Variants in RANBP17 observed in about 807,000 individuals in gnomAD.
RANBP17 encodes the protein RAN binding protein 17.
In RANBP17, 158 loss-of-function variants were observed where a neutral mutation model predicts 141.2. That is an observed-to-expected ratio of 1.12 (90% CI 0.98 to 1.28). The LOEUF (loss-of-function observed/expected upper bound fraction) is 1.28, where lower values mean the gene tolerates loss of function less well. RANBP17 is among the 50% of genes most tolerant of loss of function. RANBP17 has a pLI of 0.00. For missense variants in RANBP17, 1,438 were observed against 1,290.7 expected, an observed-to-expected ratio of 1.11 and a Z score of -1.75; for synonymous variants, 430 against 450.0, an observed-to-expected ratio of 0.96 and a Z score of 0.56.
At chr5:170,873,251 G>A (rs974422954) in intron 1 of RANBP17, among the ~76,000 whole-genome samples, 2 of 152,196 alleles carry the variant, frequency 1.3e-5, no homozygotes, top group African/African-American at 4.8e-5. Flanking sequence ...TGGTTTGCCA[G>A]TATTTTATTG....
intron 14 of RANBP17, among the ~76,000 whole-genome samples, chr5:171,023,786 C>T (rs373248867): frequency 1.3e-5 from 2 of 152,166 alleles, no homozygotes; most frequent in Non-Finnish European, 2.9e-5. Context: ...GTCTTCTCAA[C>T]TCAGTGAAAT....
chr5:171,268,661 GA>G (rs550974031), intron 25 of RANBP17, among the ~76,000 whole-genome samples: 44 of 143,828 alleles, frequency 3.1e-4, no homozygotes, highest in Middle Eastern at 3.5e-3. Flanking sequence ...CCACACTGAA[GA>G]AAAAAAAAAA....
intron 14 of RANBP17, among the ~76,000 whole-genome samples, chr5:171,065,317 G>T (rs1784242645): frequency 6.6e-6 from 1 of 152,098 alleles, no homozygotes; most frequent in African/African-American, 2.4e-5. Context: ...GGGTGAAGGG[G>T]ACGGTTTTGG....
intron 14 of RANBP17, among the ~76,000 whole-genome samples, chr5:171,081,796 C>T (rs1785271033): frequency 6.6e-6 from 1 of 152,016 alleles, no homozygotes; most frequent in African/African-American, 2.4e-5. Flanking sequence ...AGCTTCTTAC[C>T]AGTTTATTGT....
rs145033508 is a variant in RANBP17 at position 171,110,204 on chromosome 5, G to A, written c.1711-59926G>A. ...CCTGGCTCTGTGGCTCTGTGACATT[G>A]GACAAATATTTATACTCTTAGGCTT... is the stretch of plus-strand genomic sequence containing the variant. On this transcript the variant is annotated intron_variant, in intron 14 of 27. Coordinates refer to ENST00000523189, the MANE Select transcript of RANBP17 (RefSeq NM_022897.5). Among the ~76,000 whole-genome samples, 578 of 151,824 alleles carry A rather than the reference G, an allele frequency of 3.8e-3. 10 individuals carry two copies. Among genetic ancestry groups the A allele is most frequent in the Admixed American group, 0.027 (405 of 15,242 alleles).
chr5:171,132,142 G>A lies in RANBP17; in HGVS notation c.1711-37988G>A, dbSNP rs574653352. 2.0e-5 allele frequency among the ~76,000 whole-genome samples: 3 copies of A among 152,204 alleles called. No homozygotes were observed. In the East Asian group the frequency reaches 5.8e-4, roughly 29 times the overall value. On this transcript the variant is annotated intron_variant, in intron 14 of 27. Transcript: ENST00000523189. ...GAACTTGCTTTAAATAAACATGTAA[G>A]TTACAACTAAAGTTTTTATAAAGGG...
intron 14 of RANBP17, among the ~76,000 whole-genome samples, chr5:171,031,729 C>T (rs1344081054): frequency 6.6e-6 from 1 of 151,996 alleles, no homozygotes; most frequent in African/African-American, 2.4e-5. Context: ...TTTCATACCT[C>T]CTGAGTAGTA....
intron 5 of RANBP17, among the ~76,000 whole-genome samples, chr5:170,905,707 C>T (rs1010064604): frequency 2.9e-4 from 44 of 151,968 alleles, no homozygotes; most frequent in Non-Finnish European, 4.0e-4. Flanking sequence ...ACTGTAGCTT[C>T]CTTCTAAAAA....
chr5:170,865,865 A>G (rs1204846453), intron 1 of RANBP17, among the ~76,000 whole-genome samples: 1 of 152,186 alleles, frequency 6.6e-6, no homozygotes, highest in Non-Finnish European at 1.5e-5. Context: ...AAATTGGTCA[A>G]AGGAAGGTGA....
chr5:170,964,001 G>T (rs189180526), intron 13 of RANBP17, among the ~76,000 whole-genome samples: 1 of 151,974 alleles, frequency 6.6e-6, no homozygotes, highest in Non-Finnish European at 1.5e-5. Flanking sequence ...TTTTAACCTC[G>T]CCTAAATAAG....
rs1008129509 is a variant in RANBP17, at chr5:171,064,244, G to A, written c.1710+95867G>A. Among the ~76,000 whole-genome samples, 7 of 152,192 alleles carry A rather than the reference G, an allele frequency of 4.6e-5. No homozygotes were observed. The South Asian group carries it at 6.2e-4, about 14-fold the overall frequency. On this transcript the variant is annotated intron_variant, in intron 14 of 27. Transcript: ENST00000523189. ...TCAGATGGAAATGCAGAAATCACCCGTCTTCTGCGTCACTCACGCTGGGAG... is the reference window on the plus strand; with the variant it reads ...TCAGATGGAAATGCAGAAATCACCCATCTTCTGCGTCACTCACGCTGGGAG...
In RANBP17 at chr5:171,298,991, A is replaced by G. The variant is rs1768993495; in HGVS notation, c.*133A>G. 3.4e-6 allele frequency: 2 copies of G among 586,270 alleles called. No homozygotes were observed. The highest frequency in any genetic ancestry group is 5.6e-5 in the Admixed American group (2 of 35,404). 36.3% of individuals were successfully genotyped at this position (586,270 alleles called of 1,614,324 possible). Reference sequence around the variant, plus strand: ...CATACAAGCAACAGCAAAAGCCCTAACTTCTTATACGTCTAGCCTAATTAT... The same window carrying G: ...CATACAAGCAACAGCAAAAGCCCTAGCTTCTTATACGTCTAGCCTAATTAT... On this transcript the variant is annotated 3_prime_UTR_variant, in exon 28 of 28. Transcript: ENST00000523189.
chr5:170,876,130 G>A (rs1581028202), intron 1 of RANBP17, among the ~76,000 whole-genome samples: 1 of 152,124 alleles, frequency 6.6e-6, no homozygotes, highest in Admixed American at 6.5e-5. Flanking sequence ...CTTTCTCTGG[G>A]ATCTCTGTCC....
At chr5:171,080,244 AACAC>A (rs5873252) in intron 14 of RANBP17, among the ~76,000 whole-genome samples, 85,669 of 147,714 alleles carry the variant, frequency 0.58, 26,027 homozygotes, top group South Asian at 0.84. Flanking sequence ...ACACACACAA[AACAC>A]ACACACACAC....
At chr5:170,869,585 T>C (rs933711509) in intron 1 of RANBP17, among the ~76,000 whole-genome samples, 1 of 152,174 alleles carries the variant, frequency 6.6e-6, no homozygotes, top group African/African-American at 2.4e-5. Context: ...GCTGGCAATC[T>C]TCGTTGTTTC....
At chr5:171,118,663 G>C (rs1238165566) in intron 14 of RANBP17, among the ~76,000 whole-genome samples, 2 of 151,956 alleles carry the variant, frequency 1.3e-5, no homozygotes, top group Non-Finnish European at 2.9e-5. Context: ...TTGTAAATTT[G>C]CATTGTAAAT....
chr5:171,017,304 T>G (rs552786684), intron 14 of RANBP17, among the ~76,000 whole-genome samples: 15 of 152,290 alleles, frequency 9.8e-5, no homozygotes, highest in Non-Finnish European at 1.5e-4. Flanking sequence ...GTATTTCTGG[T>G]TCTAGATCCT....
chr5:171,252,749 T>C (rs1765653390), intron 24 of RANBP17: 11 of 1,378,296 alleles, frequency 8.0e-6, no homozygotes, highest in Admixed American at 1.7e-5. Context: ...GGAAGACTTA[T>C]TTGTAGACTT....
chr5:170,879,913 A>G (rs932882090), intron 2 of RANBP17, among the ~76,000 whole-genome samples: 5 of 152,218 alleles, frequency 3.3e-5, no homozygotes, highest in African/African-American at 1.2e-4. Flanking sequence ...TGTTAACACT[A>G]CTGATTTATT....
Sources: gnomAD v4.1 joint callset for allele counts (sites outside exome capture counted in the v4.1 genomes callset) on GRCh38, gnomAD v4.1.1 for gene constraint, MANE v1.5 for transcripts, NCBI Gene and HGNC (gene_info 2026-07-23, HGNC 2026-07-21) for gene names.